The following FOXN3 variants were observed in gnomAD, a reference collection of about 807,000 sequenced individuals.
FOXN3 encodes the protein forkhead box protein N3.
FOXN3 carries 7 observed loss-of-function variants against 38.4 expected under a neutral mutation model. That is an observed-to-expected ratio of 0.18 (90% confidence interval 0.10 to 0.34). The LOEUF (loss-of-function observed/expected upper bound fraction) is 0.34. Ranked by LOEUF, FOXN3 falls within the 10% of genes least tolerant of loss-of-function variation. The pLI, the probability that FOXN3 is intolerant of heterozygous loss-of-function variation, is 1.00. For missense variants in FOXN3, 456 were observed against 613.4 expected, an observed-to-expected ratio of 0.74 and a Z score of 2.71; for synonymous variants, 230 against 242.2, an observed-to-expected ratio of 0.95 and a Z score of 0.47.
Position 89,291,483 on chromosome 14 carries a change from C to T in FOXN3, c.681-10469G>A, listed in dbSNP as rs113741760. The T allele has an allele frequency of 4.4e-3, 2,628 of 602,218 alleles. 54 individuals are homozygous for T. The African/African-American group carries it at 0.044, about 10-fold the overall frequency. The allele number at this position is 602,218 out of a possible 1,614,324, so 37.3% of individuals were successfully genotyped here. A position where few individuals can be genotyped will look rare whatever the true frequency, so the allele number is the denominator to read the frequency against. Reference sequence around the variant, plus strand: ...ACGGAGGGTGCCACACCTCCACAGACACTCTTGCTTACCCCGCCATCCCCA... The same window carrying T: ...ACGGAGGGTGCCACACCTCCACAGATACTCTTGCTTACCCCGCCATCCCCA... On this transcript the variant is annotated intron_variant, in intron 3 of 5. Transcript: ENST00000557258.
intron 1 of FOXN3, among the ~76,000 whole-genome samples, chr14:89,617,891 A>G (rs1417682679): frequency 6.6e-6 from 1 of 152,200 alleles, no homozygotes; most frequent in Non-Finnish European, 1.5e-5. Context: ...ATAAGTCTCA[A>G]TCTAACTGAC....
intron 3 of FOXN3, among the ~76,000 whole-genome samples, chr14:89,337,261 A>G (rs1888488944): frequency 6.6e-6 from 1 of 152,166 alleles, no homozygotes; most frequent in Non-Finnish European, 1.5e-5. Context: ...TATGGGATCA[A>G]AGTGCGACAG....
chr14:89,199,252 T>C (rs1450514600), intron 4 of FOXN3, among the ~76,000 whole-genome samples: 1 of 152,086 alleles, frequency 6.6e-6, no homozygotes, highest in Non-Finnish European at 1.5e-5. Flanking sequence ...ACCTTAGGGG[T>C]TCTTGTCACA....
chr14:89,503,193 AT>A (rs1323258339), intron 1 of FOXN3, among the ~76,000 whole-genome samples: 1 of 152,142 alleles, frequency 6.6e-6, no homozygotes. Context: ...TCCATGACCC[AT>A]TTTCCTTTAA....
chr14:89,494,470 A>AGGT (rs1893639903), intron 1 of FOXN3, among the ~76,000 whole-genome samples: 1 of 152,240 alleles, frequency 6.6e-6, no homozygotes, highest in Admixed American at 6.5e-5. Flanking sequence ...TGTCTGCTTA[A>AGGT]GGTGGTGCAG....
intron 1 of FOXN3, among the ~76,000 whole-genome samples, chr14:89,587,053 A>G (rs1294146892): frequency 6.6e-6 from 1 of 152,256 alleles, no homozygotes; most frequent in African/African-American, 2.4e-5. Context: ...GTGACTCCAA[A>G]GGGTACATTG....
At chr14:89,403,923 CA>C (rs932166530) in intron 2 of FOXN3, among the ~76,000 whole-genome samples, 3 of 152,148 alleles carry the variant, frequency 2.0e-5, no homozygotes, top group Admixed American at 2.0e-4. Flanking sequence ...ACAGAGAATA[CA>C]AAGGGCATAC....
chr14:89,378,853 C>T (rs1338505933), intron 2 of FOXN3, among the ~76,000 whole-genome samples: 1 of 152,104 alleles, frequency 6.6e-6, no homozygotes, highest in Non-Finnish European at 1.5e-5. Context: ...ATTACAGGCA[C>T]ACACCACCAC....
intron 4 of FOXN3, among the ~76,000 whole-genome samples, chr14:89,182,078 G>A (rs547458607): frequency 5.9e-5 from 9 of 152,186 alleles, no homozygotes; most frequent in African/African-American, 1.4e-4. Context: ...AAAGACCGTT[G>A]AAAAGGCTCT....
At chr14:89,373,745 G>A (rs1028421642) in intron 2 of FOXN3, among the ~76,000 whole-genome samples, 1 of 152,066 alleles carries the variant, frequency 6.6e-6, no homozygotes, top group East Asian at 1.9e-4. Flanking sequence ...GTAGGATTGA[G>A]GAAAGTAAAA....
chr14:89,369,602 G>A (rs1451785325), intron 2 of FOXN3, among the ~76,000 whole-genome samples: 1 of 151,834 alleles, frequency 6.6e-6, no homozygotes, highest in African/African-American at 2.4e-5. Context: ...CATGGCTGGG[G>A]AGGCCTCACA....
At chr14:89,525,564 G>A (rs1894416479) in intron 1 of FOXN3, among the ~76,000 whole-genome samples, 1 of 151,056 alleles carries the variant, frequency 6.6e-6, no homozygotes, top group African/African-American at 2.4e-5. Flanking sequence ...AGCAGCCCGA[G>A]CTGCTGCTCT....
chr14:89,239,162 G>C (rs1885068540), intron 4 of FOXN3, among the ~76,000 whole-genome samples: 1 of 152,182 alleles, frequency 6.6e-6, no homozygotes, highest in Admixed American at 6.5e-5. Flanking sequence ...TTCCTGTCAA[G>C]CCAGCGGAAC....
chr14:89,398,792 C>T (rs759175480), intron 2 of FOXN3, among the ~76,000 whole-genome samples: 4 of 152,184 alleles, frequency 2.6e-5, no homozygotes, highest in Non-Finnish European at 5.9e-5. Flanking sequence ...TCAAGACCAG[C>T]CTGACCAACA....
chr14:89,321,352 T>TGGATCACGAGGTTGGGA (rs1468525851), intron 3 of FOXN3, among the ~76,000 whole-genome samples: 1 of 151,716 alleles, frequency 6.6e-6, no homozygotes, highest in African/African-American at 2.4e-5. Context: ...CTGAGACGGG[T>TGGATCACGAGGTTGGGA]GGATCACGAG....
intron 3 of FOXN3, chr14:89,290,795 G>A (rs1425690872): frequency 3.7e-6 from 1 of 270,568 alleles, no homozygotes; most frequent in Non-Finnish European, 7.3e-6. Context: ...CCAGAGCCCT[G>A]GTTCTGCAGG....
At position 89,484,079 on chromosome 14, in the gene FOXN3, T is replaced by C. The variant is rs972664143; in HGVS notation, c.-14-71589A>G. ...AACCCTAAGACGAAATGGCCTCATG[T>C]TGCATCTAGGTTTTATTTTAAGTTA... On this transcript the variant is annotated intron_variant, in intron 1 of 6. Coordinates refer to the FOXN3 transcript ENST00000345097. This position sits in a 1 kb window ranked among gnomAD's most constrained non-coding sequence, Gnocchi z 4.0. 5.9e-5 allele frequency among the ~76,000 whole-genome samples: 9 copies of C among 152,226 alleles called. No homozygotes were observed. Among genetic ancestry groups the C allele is most frequent in the African/African-American group, 2.2e-4 (9 of 41,452 alleles).
chr14:89,394,212 C>CTTT (rs35674375), intron 2 of FOXN3, among the ~76,000 whole-genome samples: 246 of 109,518 alleles, frequency 2.2e-3, no homozygotes, highest in African/African-American at 4.7e-3. Context: ...GATCGACGTT[C>CTTT]TTTTTTTTTT....
At chr14:89,475,220 T>C (rs1171722387) in intron 1 of FOXN3, among the ~76,000 whole-genome samples, 2 of 152,250 alleles carry the variant, frequency 1.3e-5, no homozygotes, top group Non-Finnish European at 2.9e-5. Context: ...TATTTACTTA[T>C]ACATATGCAT....
Sources: allele counts gnomAD v4.1 joint callset (sites outside exome capture counted in the v4.1 genomes callset), GRCh38; gene constraint gnomAD v4.1.1; non-coding constraint Gnocchi (gnomAD v3.1); transcripts MANE v1.5; gene names NCBI Gene and HGNC (gene_info 2026-07-23, HGNC 2026-07-21).